The following CNTNAP2 variants were observed in gnomAD, a reference collection of about 807,000 sequenced individuals.
CNTNAP2 encodes the protein contactin associated protein 2, also known as contactin-associated protein-like 2.
A neutral mutation model predicts 155.2 loss-of-function variants in CNTNAP2; 98 were observed. The ratio of observed to expected loss-of-function variants is 0.63; its 90% CI spans 0.54 to 0.75. The LOEUF (loss-of-function observed/expected upper bound fraction) is 0.75, where lower values mean the gene tolerates loss of function less well. CNTNAP2 is among the 30% of genes least tolerant of loss of function. The pLI, the probability that CNTNAP2 is intolerant of heterozygous loss-of-function variation, is 0.00. For synonymous variants in CNTNAP2, 651 were observed against 631.2 expected, an observed-to-expected ratio of 1.03 and a Z score of -0.47; for missense variants, 1,727 against 1,688.1, an observed-to-expected ratio of 1.02 and a Z score of -0.40.
intron 1 of CNTNAP2, among the ~76,000 whole-genome samples, chr7:146,164,658 A>G (rs923090326): frequency 1.3e-5 from 2 of 152,200 alleles, no homozygotes; most frequent in African/African-American, 4.8e-5. Context: ...GCTTTATTGC[A>G]TAGGCATGAA....
At chr7:148,064,934 G>A (rs552525566) in intron 15 of CNTNAP2, among the ~76,000 whole-genome samples, 2 of 152,190 alleles carry the variant, frequency 1.3e-5, no homozygotes, top group South Asian at 4.1e-4. Context: ...TTAATGCTAT[G>A]AACTTTCCTC....
chr7:147,402,659 T>C (rs1006953613), intron 10 of CNTNAP2, among the ~76,000 whole-genome samples: 1 of 152,180 alleles, frequency 6.6e-6, no homozygotes, highest in African/African-American at 2.4e-5. Flanking sequence ...GTGATTTCTA[T>C]ATCTTTTGGA....
intron 12 of CNTNAP2, among the ~76,000 whole-genome samples, chr7:147,576,692 A>G (rs1800401750): frequency 6.6e-6 from 1 of 152,160 alleles, no homozygotes; most frequent in Non-Finnish European, 1.5e-5. Flanking sequence ...AACATAGGTG[A>G]ACATCAGTAA....
chr7:146,600,706 T>G (rs1436523784), intron 1 of CNTNAP2, among the ~76,000 whole-genome samples: 1 of 152,156 alleles, frequency 6.6e-6, no homozygotes, highest in Non-Finnish European at 1.5e-5. Context: ...TAATTTTTAC[T>G]TATCCTTTTT....
At position 148,398,283 on chromosome 7, in the gene CNTNAP2, C is replaced by G. The variant is rs114477522; in HGVS notation, c.3716-11108C>G. On this transcript the variant is annotated intron_variant, in intron 22 of 23. Transcript: ENST00000361727. ...AAAACTTAAGAATAAAAAGGATCAA[C>G]CTCACATTTTGATGAAATAGCAGTT... is the stretch of plus-strand genomic sequence containing the variant. Among the ~76,000 whole-genome samples the G allele has an allele frequency of 8.5e-3, 1,301 of 152,292 alleles. 17 individuals carry two copies. The highest frequency in any genetic ancestry group is 0.029 in the African/African-American group (1,218 of 41,548).
intron 12 of CNTNAP2, chr7:147,638,815 G>A: frequency 3.8e-6 from 2 of 519,638 alleles, no homozygotes; most frequent in South Asian, 1.7e-5. Context: ...TGCTGCAGAT[G>A]TTAGAGCACC....
intron 8 of CNTNAP2, among the ~76,000 whole-genome samples, chr7:147,171,299 A>AT (rs746069236): frequency 1.3e-5 from 2 of 152,064 alleles, no homozygotes; most frequent in African/African-American, 4.8e-5. Context: ...CACATTCGGT[A>AT]TTTTCTCTCT....
intron 8 of CNTNAP2, among the ~76,000 whole-genome samples, chr7:147,296,769 G>A (rs1272905939): frequency 6.6e-6 from 1 of 152,104 alleles, no homozygotes; most frequent in Non-Finnish European, 1.5e-5. Flanking sequence ...GAGACAAGTT[G>A]GGGTGGAAAG....
At chr7:146,454,185 T>C (rs1430006294) in intron 1 of CNTNAP2, among the ~76,000 whole-genome samples, 3 of 152,222 alleles carry the variant, frequency 2.0e-5, no homozygotes, top group Non-Finnish European at 4.4e-5. Context: ...GGCTGCTTAT[T>C]CTATACTAGT....
chr7:147,557,089 C>T (rs956809920), intron 11 of CNTNAP2, among the ~76,000 whole-genome samples: 3 of 151,890 alleles, frequency 2.0e-5, no homozygotes, highest in African/African-American at 7.3e-5. Flanking sequence ...CATGGTGAAA[C>T]CCCATCTCTA....
intron 13 of CNTNAP2, among the ~76,000 whole-genome samples, chr7:147,649,283 T>A (rs1332414935): frequency 6.6e-6 from 1 of 152,150 alleles, no homozygotes; most frequent in Admixed American, 6.5e-5. Context: ...AGCTTGAAAA[T>A]CTGCCTTCTC....
At chr7:147,431,930 TA>T (rs1470638593) in intron 10 of CNTNAP2, among the ~76,000 whole-genome samples, 2 of 152,164 alleles carry the variant, frequency 1.3e-5, no homozygotes, top group African/African-American at 4.8e-5. Flanking sequence ...CTGAGTACTC[TA>T]AAAACTCCCA....
chr7:148,144,286 CG>C (rs1275929533), intron 16 of CNTNAP2, among the ~76,000 whole-genome samples: 1 of 152,100 alleles, frequency 6.6e-6, no homozygotes, highest in Non-Finnish European at 1.5e-5. Context: ...TGTCACTCTC[CG>C]GGGCAGAAAT....
At chr7:146,783,592 T>C (rs912016150) in intron 2 of CNTNAP2, among the ~76,000 whole-genome samples, 1 of 152,216 alleles carries the variant, frequency 6.6e-6, no homozygotes, top group Non-Finnish European at 1.5e-5. Flanking sequence ...GGCATACCTT[T>C]TTAAATTTTA....
At chr7:147,624,997 G>A (rs1029122804) in intron 12 of CNTNAP2, among the ~76,000 whole-genome samples, 118 of 152,216 alleles carry the variant, frequency 7.8e-4, no homozygotes, top group African/African-American at 2.6e-3. Flanking sequence ...AGTGAAATAA[G>A]CCAGGCACAG....
intron 13 of CNTNAP2, among the ~76,000 whole-genome samples, chr7:147,676,159 GA>G (rs113931475): frequency 0.022 from 3,320 of 151,958 alleles, 124 homozygotes; most frequent in African/African-American, 0.076. Flanking sequence ...AATGTGACAT[GA>G]ATCATATCTG....
At chr7:147,040,581 C>T (rs1799241806) in intron 3 of CNTNAP2, among the ~76,000 whole-genome samples, 1 of 150,544 alleles carries the variant, frequency 6.6e-6, no homozygotes, top group Admixed American at 6.7e-5. Flanking sequence ...CTGCCTCAGC[C>T]TTCCAAGTAG....
chr7:147,978,113 ACC>A, intron 15 of CNTNAP2, 124 bp downstream of exon 15: 1 of 1,306,090 alleles, frequency 7.7e-7, no homozygotes, highest in Non-Finnish European at 1.1e-6. Context: ...ACATCACACA[ACC>A]CAAGCAGAGA....
intron 4 of CNTNAP2, among the ~76,000 whole-genome samples, chr7:147,057,271 G>T (rs1799580074): frequency 6.6e-6 from 1 of 152,130 alleles, no homozygotes; most frequent in African/African-American, 2.4e-5. Context: ...CCCACAAACA[G>T]CTGAGCCTAA....
Sources: allele counts gnomAD v4.1 joint callset (sites outside exome capture counted in the v4.1 genomes callset), GRCh38; gene constraint gnomAD v4.1.1; transcripts MANE v1.5; gene names NCBI Gene and HGNC (gene_info 2026-07-23, HGNC 2026-07-21).